Variants in SETD5 observed in about 807,000 individuals in gnomAD.
SETD5 encodes histone-lysine N-methyltransferase SETD5.
Under a neutral mutation model 153.3 loss-of-function variants are expected in SETD5, and 44 were observed. That is an observed-to-expected ratio of 0.29 (90% CI 0.23 to 0.37). The LOEUF (loss-of-function observed/expected upper bound fraction) is 0.37, where lower values mean the gene tolerates loss of function less well. Among genes scored for constraint, SETD5 ranks in the 10% least tolerant of loss-of-function variants. The pLI is 1.00. For synonymous variants in SETD5, 716 were observed against 645.2 expected (o/e 1.11, Z -1.66); for missense variants, 1,544 against 1,768.0 (o/e 0.87, Z 2.27).
In SETD5 at chr3:9,476,112, CAG is replaced by C. The variant is rs761939358; in HGVS notation, c.*23_*24del. On this transcript the variant is annotated 3_prime_UTR_variant, in exon 23 of 23. Coordinates refer to ENST00000402198, the MANE Select transcript of SETD5 (RefSeq NM_001080517.3). ...CCTAGGGCTTCTGGATTTGGGCAAA[CAG>C]AACTGAATGAGCCCATAGCTGCTTC... 6 of 1,606,884 alleles carry C rather than the reference CAG, an allele frequency of 3.7e-6. No individual in the cohort carries two copies. The South Asian group carries it at 4.4e-5, about 12-fold the overall frequency.
chr3:9,425,253 A>G (rs148150169), intron 2 of SETD5, among the ~76,000 whole-genome samples: 10,946 of 151,642 alleles, frequency 0.072, 609 homozygotes, highest in African/African-American at 0.13. Flanking sequence ...TAGTAGAGAC[A>G]GGGTTTCACC....
rs1049546740 is a variant in SETD5, at chr3:9,458,575, G to A, written c.2476+4707G>A. Among the ~76,000 whole-genome samples, 9 of 152,128 alleles carry A rather than the reference G, an allele frequency of 5.9e-5. No homozygotes were observed. The South Asian group carries it at 8.3e-4, about 14-fold the overall frequency. On this transcript the variant is annotated intron_variant, in intron 17 of 22. Coordinates refer to ENST00000402198, the MANE Select transcript of SETD5 (RefSeq NM_001080517.3). ...CAGTGAGCTGTGATAATGCCACTGC[G>A]TTCCAGCCTGAATGACAGCAAGACA...
intron 1 of SETD5, among the ~76,000 whole-genome samples, chr3:9,408,193 G>A (rs1258730305): frequency 6.6e-6 from 1 of 152,056 alleles, no homozygotes; most frequent in East Asian, 1.9e-4. Flanking sequence ...TCGCTACCTA[G>A]CAACCTAGTT....
At chr3:9,406,258 T>G (rs2035639697) in intron 1 of SETD5, among the ~76,000 whole-genome samples, 1 of 152,178 alleles carries the variant, frequency 6.6e-6, no homozygotes, top group Non-Finnish European at 1.5e-5. Flanking sequence ...ACAAAAGAGT[T>G]TAACCTAAAA....
intron 17 of SETD5, among the ~76,000 whole-genome samples, chr3:9,456,086 AT>A (rs1178644962): frequency 1.3e-5 from 2 of 152,212 alleles, no homozygotes; most frequent in Admixed American, 6.5e-5. Context: ...CCAAAGAGAC[AT>A]TAAGAAAGGG....
In SETD5 at chr3:9,447,263, C is replaced by G; in HGVS notation, c.1738C>G (p.Pro580Ala). 6.2e-7 allele frequency: 1 copy of G among 1,614,024 alleles called. No homozygotes were observed. Among genetic ancestry groups the G allele is most frequent in the African/African-American group, 1.3e-5 (1 of 75,050 alleles). Residue 580 changes from proline to alanine, a missense_variant, in exon 14 of 23, where the codon CCA becomes GCA. Pro to Ala is a conservative substitution (Grantham distance 27). Around this residue, in one of 9 missense-constraint regions of SETD5, gnomAD observed 782 missense variants for 787.2 expected, o/e 0.99. Transcript: ENST00000402198. Reference protein sequence around the residue: ...SVSNVTIPSTPQSVGVNTRRS... With the variant: ...SVSNVTIPSTAQSVGVNTRRS... ...TTCAAATGTTACCATCCCAAGCACC[C>G]CACAGAGTGTTGGTGTGAATACCCG...
At chr3:9,430,498 A>C (rs748388300) in intron 3 of SETD5, 14 of 308,278 alleles carry the variant, frequency 4.5e-5, no homozygotes, top group Non-Finnish European at 6.2e-5. Context: ...ACTGAGACTT[A>C]CTTAACCATT....
At chr3:9,432,432 C>A in intron 3 of SETD5, 1 of 298,640 alleles carries the variant, frequency 3.3e-6, no homozygotes, top group Non-Finnish European at 4.9e-6. Flanking sequence ...TATTGTATAT[C>A]TTTAAGCAGG....
chr3:9,438,919 A>G (rs1038180015), intron 7 of SETD5, among the ~76,000 whole-genome samples: 2 of 152,216 alleles, frequency 1.3e-5, no homozygotes, highest in Non-Finnish European at 2.9e-5. Flanking sequence ...ATTTCCCTCA[A>G]TTGAGAACCA....
chr3:9,408,003 A>AG (rs1199867368), intron 1 of SETD5, among the ~76,000 whole-genome samples: 1 of 151,666 alleles, frequency 6.6e-6, no homozygotes, highest in Admixed American at 6.6e-5. Context: ...TATGTCTCAA[A>AG]AAAAAAAAAT....
rs1280093399 is a variant in SETD5, at chr3:9,470,681, T to C, written c.2947T>C (p.Leu983=). 2 of 1,613,846 alleles carry C rather than the reference T, an allele frequency of 1.2e-6. No individual in the cohort carries two copies. Among genetic ancestry groups the C allele is most frequent in the Non-Finnish European group, 1.7e-6 (2 of 1,179,894 alleles). The change falls in exon 19 of 23, where the codon TTG becomes CTG. Residue 983 remains leucine, a synonymous_variant. Coordinates refer to ENST00000402198, the MANE Select transcript of SETD5 (RefSeq NM_001080517.3). ...CCAGGCATTTCGGACAGAGTTCAAC[T>C]TGATGTATGCCTACTCCCCTTTGAA... The part of the protein sequence containing the change: ...SDQAFRTEFN[L]MYAYSPLNAM...
At chr3:9,464,905 C>CT (rs909456816) in intron 18 of SETD5, 1 of 566,340 alleles carries the variant, frequency 1.8e-6, no homozygotes, top group Non-Finnish European at 3.1e-6. Flanking sequence ...ATTCATGTAT[C>CT]TTTTGCATGC....
intron 1 of SETD5, among the ~76,000 whole-genome samples, chr3:9,401,239 A>G (rs2034722828): frequency 2.0e-5 from 3 of 152,264 alleles, no homozygotes; most frequent in African/African-American, 7.2e-5. Context: ...AAGATGCAAT[A>G]GCAGATAAAT....
intron 3 of SETD5, chr3:9,430,119 C>CAGCAA (rs2039789449): frequency 8.8e-6 from 9 of 1,023,886 alleles, no homozygotes; most frequent in Non-Finnish European, 8.3e-6. Context: ...CTTCCCCCTT[C>CAGCAA]AGCAAAGCAA....
In SETD5 at chr3:9,475,877, C is replaced by T. The variant is rs62246321; in HGVS notation, c.4115C>T (p.Thr1372Ile). The change falls in exon 23 of 23, where the codon ACC (threonine) becomes ATC (isoleucine). Residue 1372 changes from threonine to isoleucine, a missense_variant. Around this residue, in one of 9 missense-constraint regions of SETD5, gnomAD observed 302 missense variants for 277.6 expected, o/e 1.09. Transcript: ENST00000402198. The part of the protein sequence containing the change: ...SQSSTGTLSS[T>I]SFPQNSRSSL... ...TCCAGCACAGGAACTCTGAGTTCCACCTCCTTTCCTCAGAACTCTAGGTCG... is the reference window on the plus strand; with the variant it reads ...TCCAGCACAGGAACTCTGAGTTCCATCTCCTTTCCTCAGAACTCTAGGTCG... 1,245 of 1,614,058 alleles carry T rather than the reference C, an allele frequency of 7.7e-4. 6 individuals carry two copies. Among genetic ancestry groups the T allele is most frequent in the African/African-American group, 7.5e-3 (563 of 75,056 alleles).
At position 9,448,048 on chromosome 3, in the gene SETD5, G is replaced by A. The variant is rs751577792; in HGVS notation, c.2103+42G>A. ...TCCTTTATAAGTCCAGTCTGGCAAGGGCTGTCTTAGTGAAATGAGAGGACC... is the reference window on the plus strand; with the variant it reads ...TCCTTTATAAGTCCAGTCTGGCAAGAGCTGTCTTAGTGAAATGAGAGGACC... On this transcript the variant is annotated intron_variant, in intron 15 of 22. Transcript: ENST00000402198. 9 of 1,563,764 alleles carry A rather than the reference G, an allele frequency of 5.8e-6. No homozygotes were observed. The East Asian group carries it at 9.1e-5, about 16-fold the overall frequency.
intron 2 of SETD5, chr3:9,425,980 A>G (rs753938643): frequency 3.9e-5 from 6 of 152,010 alleles, no homozygotes. Flanking sequence ...CTTTTCTTTT[A>G]ATCTGAATTA....
chr3:9,442,263 A>C lies in SETD5; in HGVS notation c.1077+18A>C, dbSNP rs1246362687. On this transcript the variant is annotated intron_variant, in intron 10 of 22. Coordinates refer to ENST00000402198, the MANE Select transcript of SETD5 (RefSeq NM_001080517.3). Reference sequence around the variant, plus strand: ...ATGCAGAGGTAAGATATCTGTAGCAACTTCCCTTTGACTGGAACCATCAAA... The same window carrying C: ...ATGCAGAGGTAAGATATCTGTAGCACCTTCCCTTTGACTGGAACCATCAAA... 2 of 1,539,912 alleles carry C rather than the reference A, an allele frequency of 1.3e-6. No homozygotes were observed. Among genetic ancestry groups the C allele is most frequent in the South Asian group, 1.1e-5 (1 of 88,210 alleles).
At chr3:9,436,149 T>G (rs2040539423) in intron 7 of SETD5, among the ~76,000 whole-genome samples, 2 of 152,132 alleles carry the variant, frequency 1.3e-5, no homozygotes, top group Admixed American at 1.3e-4. Flanking sequence ...AGGTATGAAA[T>G]TCCAGCCCTA....
Sources: allele counts gnomAD v4.1 joint callset (sites outside exome capture counted in the v4.1 genomes callset), GRCh38; gene constraint gnomAD v4.1.1; regional missense constraint gnomAD v4.1.1; transcripts MANE v1.5; gene names NCBI Gene and HGNC (gene_info 2026-07-23, HGNC 2026-07-21).